Variants in PCDH17 observed in about 807,000 individuals in gnomAD.
PCDH17 encodes protocadherin 17.
Under a neutral mutation model 67.7 loss-of-function variants are expected in PCDH17, and 21 were observed. That is an observed-to-expected ratio of 0.31 (90% confidence interval 0.22 to 0.45). PCDH17 has a LOEUF of 0.45. Among genes scored for constraint, PCDH17 ranks in the 20% least tolerant of loss-of-function variants. The probability of loss-of-function intolerance (pLI) is 1.00; values close to 1 mark genes in which losing one functional copy is unlikely to be tolerated. For missense variants in PCDH17, 1,471 were observed against 1,564.8 expected, an observed-to-expected ratio of 0.94 and a Z score of 1.01; for synonymous variants, 701 against 656.7, an observed-to-expected ratio of 1.07 and a Z score of -1.03.
chr13:57,631,338 A>AGT (rs1954716952), upstream of PCDH17, among the ~76,000 whole-genome samples: 1 of 151,962 alleles, frequency 6.6e-6, no homozygotes, highest in Non-Finnish European at 1.5e-5. Flanking sequence ...AGACAGGGAG[A>AGT]GTGTGTGTGC....
intron 3 of PCDH17, among the ~76,000 whole-genome samples, chr13:57,672,044 T>G (rs1187001194): frequency 6.6e-6 from 1 of 152,050 alleles, no homozygotes; most frequent in Non-Finnish European, 1.5e-5. Context: ...AAAATCTGTC[T>G]TCTTAAATTA....
intron 1 of PCDH17, among the ~76,000 whole-genome samples, chr13:57,642,801 C>G (rs1954921133): frequency 6.6e-6 from 1 of 151,466 alleles, no homozygotes; most frequent in Non-Finnish European, 1.5e-5. Context: ...GAAAATGCAA[C>G]AGGTATTTAT....
At chr13:57,635,150 G>A (rs1397731009) in intron 1 of PCDH17, 39 bp downstream of exon 1, 1 of 1,604,262 alleles carries the variant, frequency 6.2e-7, no homozygotes, top group Non-Finnish European at 8.5e-7. Context: ...TCACTTTATT[G>A]CTGGTTTTGG....
intron 3 of PCDH17, among the ~76,000 whole-genome samples, chr13:57,670,198 A>C (rs971711709): frequency 2.6e-5 from 4 of 152,020 alleles, no homozygotes; most frequent in African/African-American, 7.2e-5. Flanking sequence ...TTAAACAAGC[A>C]AGCAGCTATT....
intron 3 of PCDH17, among the ~76,000 whole-genome samples, chr13:57,707,045 A>C (rs1305695372): frequency 6.6e-6 from 1 of 152,014 alleles, no homozygotes; most frequent in Non-Finnish European, 1.5e-5. Context: ...ATTGCCAAAA[A>C]CTCAAGTACT....
intron 1 of PCDH17, among the ~76,000 whole-genome samples, chr13:57,644,880 A>G (rs1447914365): frequency 6.6e-6 from 1 of 151,728 alleles, no homozygotes; most frequent in Non-Finnish European, 1.5e-5. Flanking sequence ...GTAAAAGGGA[A>G]TAAGACCATT....
intron 3 of PCDH17, among the ~76,000 whole-genome samples, chr13:57,723,131 T>A (rs1955884966): frequency 6.6e-6 from 1 of 152,206 alleles, no homozygotes; most frequent in African/African-American, 2.4e-5. Flanking sequence ...TTTAATTTAC[T>A]CATAAGAAAA....
rs1566251545 is a variant in PCDH17, at chr13:57,727,948, T to C, written c.*2654T>C. On this transcript the variant is annotated 3_prime_UTR_variant, in exon 4 of 4. Transcript: ENST00000377918. ...GTAACCAGTTGTTCAATTTATTATATGTGTCTGAGGACATTAAAACACCAT... is the reference window on the plus strand; with the variant it reads ...GTAACCAGTTGTTCAATTTATTATACGTGTCTGAGGACATTAAAACACCAT... The C allele has an allele frequency of 6.6e-6, 1 of 152,590 alleles. No homozygotes were observed. The highest frequency in any genetic ancestry group is 1.5e-5 in the Non-Finnish European group (1 of 67,990). The allele number at this position is 152,590 out of a possible 1,614,324, so 9.5% of individuals were successfully genotyped here.
At chr13:57,642,145 C>T (rs1459212638) in intron 1 of PCDH17, among the ~76,000 whole-genome samples, 1 of 151,522 alleles carries the variant, frequency 6.6e-6, no homozygotes, top group Non-Finnish European at 1.5e-5. Context: ...TTGTAAACTT[C>T]TGTTTGATTC....
Position 57,634,123 on chromosome 13 carries a change from CTG to C in PCDH17, c.1580_1581del (p.Val527GlufsTer14). On this transcript the variant is annotated frameshift_variant, in exon 1 of 4. Coordinates refer to ENST00000377918, the MANE Select transcript of PCDH17 (RefSeq NM_001040429.3). LOFTEE classifies it high-confidence loss of function. The surrounding 1 kb of genome is among the most constrained non-coding windows in gnomAD (Gnocchi z 7.8). ...GACGTGTCTATCTACACCTATGTGT[CTG>C]TGAATCCCACGAACGGGGCCATCTA... 1 of 1,613,678 alleles carries C rather than the reference CTG, an allele frequency of 6.2e-7. No homozygotes were observed. The highest frequency in any genetic ancestry group is 8.5e-7 in the Non-Finnish European group (1 of 1,180,026).
chr13:57,702,132 G>C (rs1955670809), intron 3 of PCDH17, among the ~76,000 whole-genome samples: 1 of 151,972 alleles, frequency 6.6e-6, no homozygotes, highest in African/African-American at 2.4e-5. Flanking sequence ...TGGCCAGGAT[G>C]GTCTCGAGCT....
In PCDH17 at chr13:57,632,638, C is replaced by T. The variant is rs569198803; in HGVS notation, c.92C>T (p.Ala31Val). The T allele has an allele frequency of 2.9e-5, 46 of 1,613,378 alleles. No homozygotes were observed. The highest frequency in any genetic ancestry group is 1.6e-4 in the Middle Eastern group (1 of 6,062). The change falls in exon 1 of 4, where the codon GCC becomes GTC. Residue 31 changes from alanine (A) to valine (V), a missense_variant. Ala to Val is a moderately conservative substitution (Grantham distance 64). Transcript: ENST00000377918. ...TACTCCGTGCCGGAGGAGCAAGGGG[C>T]CGGCACGGTGATCGGGAACATCGGC... Reference protein sequence around the residue: ...LNYSVPEEQGAGTVIGNIGRD... With the variant: ...LNYSVPEEQGVGTVIGNIGRD...
intron 1 of PCDH17, among the ~76,000 whole-genome samples, chr13:57,636,867 G>T: frequency 6.6e-6 from 1 of 152,142 alleles, no homozygotes; most frequent in South Asian, 2.1e-4. Flanking sequence ...CATTTAAAGT[G>T]CTGTGAGTTG....
chr13:57,670,231 A>T (rs1955302966), intron 3 of PCDH17, among the ~76,000 whole-genome samples: 1 of 151,978 alleles, frequency 6.6e-6, no homozygotes, highest in Non-Finnish European at 1.5e-5. Context: ...GTATTTATTT[A>T]TTCTATTTGA....
intron 3 of PCDH17, among the ~76,000 whole-genome samples, chr13:57,693,338 A>ATGTATT (rs1555286767): frequency 4.2e-5 from 6 of 142,132 alleles, no homozygotes; most frequent in African/African-American, 1.5e-4. Context: ...ATATATATAT[A>ATGTATT]TATATATCAA....
chr13:57,666,553 A>G (rs1425111794), intron 2 of PCDH17, 27 bp downstream of exon 2: 2 of 1,611,722 alleles, frequency 1.2e-6, no homozygotes, highest in African/African-American at 1.3e-5. Flanking sequence ...AACTTTTCTC[A>G]GCTTCCCCAT....
intron 3 of PCDH17, among the ~76,000 whole-genome samples, chr13:57,700,653 T>TTG (rs1379382024): frequency 6.6e-6 from 1 of 152,008 alleles, no homozygotes; most frequent in East Asian, 1.9e-4. Flanking sequence ...ATGGTGGGAG[T>TTG]AAATATATTC....
chr13:57,662,166 C>T (rs1955192031), intron 1 of PCDH17, among the ~76,000 whole-genome samples: 1 of 152,006 alleles, frequency 6.6e-6, no homozygotes. Flanking sequence ...CATACTGGGC[C>T]CAACAGTAAG....
intron 3 of PCDH17, among the ~76,000 whole-genome samples, chr13:57,677,959 AGAAGAAATAAGT>A (rs1955411077): frequency 6.6e-6 from 1 of 151,784 alleles, no homozygotes; most frequent in Non-Finnish European, 1.5e-5. Context: ...AATTACAGTT[AGAAGAAATAAGT>A]TCAAGAGATC....
Sources: gnomAD v4.1 joint callset for allele counts (sites outside exome capture counted in the v4.1 genomes callset) on GRCh38, gnomAD v4.1.1 for gene constraint, Gnocchi (gnomAD v3.1) non-coding constraint, MANE v1.5 for transcripts, NCBI Gene and HGNC (gene_info 2026-07-23, HGNC 2026-07-21) for gene names.